Variants in PRKCB observed in about 807,000 individuals in gnomAD.
PRKCB encodes the protein protein kinase C beta.
In PRKCB, 13 loss-of-function variants were observed where a neutral mutation model predicts 81.5. The observed-to-expected ratio is 0.16, with a 90% CI of 0.10 to 0.25. PRKCB has a LOEUF of 0.25. Ranked by LOEUF, PRKCB falls within the 10% of genes least tolerant of loss-of-function variation. PRKCB has a pLI of 1.00. For synonymous variants in PRKCB, 335 were observed against 321.4 expected (o/e 1.04, Z -0.45); for missense variants, 509 against 875.7 (o/e 0.58, Z 5.29).
At chr16:23,889,449 T>G (rs1963257176) in intron 2 of PRKCB, among the ~76,000 whole-genome samples, 1 of 152,270 alleles carries the variant, frequency 6.6e-6, no homozygotes, top group South Asian at 2.1e-4. Context: ...GTGTTAGCTA[T>G]TAGCATTATG....
At chr16:23,950,479 A>C (rs1291078351) in intron 2 of PRKCB, among the ~76,000 whole-genome samples, 8 of 152,232 alleles carry the variant, frequency 5.3e-5, no homozygotes, top group Non-Finnish European at 1.2e-4. Context: ...TTCTGGAGTC[A>C]GACAGACCTA....
rs568108828 is a variant in PRKCB, at chr16:23,856,740, G to A, written c.205+19334G>A. Among the ~76,000 whole-genome samples the A allele has an allele frequency of 5.3e-5, 8 of 152,196 alleles. No homozygotes were observed. In the South Asian group the frequency reaches 1.7e-3, roughly 32 times the overall value. ...GGGTCTCCCTATGTTGCTCGGGCTG[G>A]TCTCAAACTCCTGAGCTCAAACAGT... On this transcript the variant is annotated intron_variant, in intron 2 of 16. Coordinates refer to ENST00000643927, the MANE Select transcript of PRKCB (RefSeq NM_002738.7).
chr16:23,932,211 A>G (rs1214178389), intron 2 of PRKCB, among the ~76,000 whole-genome samples: 1 of 152,242 alleles, frequency 6.6e-6, no homozygotes, highest in Non-Finnish European at 1.5e-5. Flanking sequence ...AATTCAAACA[A>G]ATCATCCATA....
At chr16:24,120,779 G>T (rs755997648) in intron 8 of PRKCB, among the ~76,000 whole-genome samples, 4 of 151,982 alleles carry the variant, frequency 2.6e-5, no homozygotes, top group Non-Finnish European at 5.9e-5. Flanking sequence ...TATCACTCAG[G>T]CTGGAGTGCA....
intron 3 of PRKCB, among the ~76,000 whole-genome samples, chr16:24,015,367 C>T (rs970486807): frequency 1.1e-4 from 16 of 152,356 alleles, no homozygotes; most frequent in Admixed American, 9.8e-4. Context: ...TTTGCACATT[C>T]CAGCTATAGA....
intron 2 of PRKCB, among the ~76,000 whole-genome samples, chr16:23,849,056 G>A (rs7206415): frequency 0.97 from 147,482 of 152,338 alleles, 71,430 homozygotes; most frequent in East Asian, 1. Flanking sequence ...GGTTGGGGCC[G>A]GAGAGGTGAT....
At chr16:24,084,963 T>G (rs1251675846) in intron 5 of PRKCB, among the ~76,000 whole-genome samples, 3 of 152,076 alleles carry the variant, frequency 2.0e-5, no homozygotes, top group Non-Finnish European at 2.9e-5. Context: ...CAAATTTCAC[T>G]CATGGTTGAG....
Position 23,836,133 on chromosome 16 carries a change from C to A in PRKCB, c.-43C>A. ...GGCCCGCAGCCCGCGGTCCCGCGGCCCCGGGGCCGGCACCTCTCGGGCTCC... is the reference window on the plus strand; with the variant it reads ...GGCCCGCAGCCCGCGGTCCCGCGGCACCGGGGCCGGCACCTCTCGGGCTCC... On this transcript the variant is annotated 5_prime_UTR_variant, in exon 1 of 17. Coordinates refer to ENST00000643927, the MANE Select transcript of PRKCB (RefSeq NM_002738.7). 7.8e-7 allele frequency: 1 copy of A among 1,281,322 alleles called. No individual in the cohort carries two copies. The highest frequency in any genetic ancestry group is 9.9e-7 in the Non-Finnish European group (1 of 1,007,684). 79.4% of individuals were successfully genotyped at this position (1,281,322 alleles called of 1,614,324 possible).
rs578216698 is a variant in PRKCB at position 24,157,670 on chromosome 16, G to A, written c.1239+2813G>A. Among the ~76,000 whole-genome samples the A allele has an allele frequency of 5.3e-5, 8 of 150,936 alleles. No individual in the cohort carries two copies. The South Asian group carries it at 1.7e-3, about 32-fold the overall frequency. On this transcript the variant is annotated intron_variant, in intron 10 of 16. Coordinates refer to ENST00000643927, the MANE Select transcript of PRKCB (RefSeq NM_002738.7). Reference sequence around the variant, plus strand: ...AAGGCCTCCCATGTTGGAGACCAATGCAAGTAATTGAATCGTGGGGGCAGT... The same window carrying A: ...AAGGCCTCCCATGTTGGAGACCAATACAAGTAATTGAATCGTGGGGGCAGT...
At chr16:23,930,815 C>T (rs1032798301) in intron 2 of PRKCB, among the ~76,000 whole-genome samples, 9 of 151,500 alleles carry the variant, frequency 5.9e-5, no homozygotes, top group South Asian at 4.2e-4. Context: ...ATTTTATTAT[C>T]GTTACTGTTG....
At chr16:23,921,112 T>G (rs1963818724) in intron 2 of PRKCB, among the ~76,000 whole-genome samples, 4 of 152,200 alleles carry the variant, frequency 2.6e-5, no homozygotes, top group Non-Finnish European at 4.4e-5. Context: ...GATTCAGTTA[T>G]TTCCACCTAG....
chr16:24,199,400 TGTGTGTGTGTCTGA>T (rs1967923977), intron 16 of PRKCB, among the ~76,000 whole-genome samples: 1 of 152,102 alleles, frequency 6.6e-6, no homozygotes, highest in Non-Finnish European at 1.5e-5. Context: ...AGTGCCTCTG[TGTGTGTGTGTCTGA>T]ATGTGTGTGT....
intron 5 of PRKCB, among the ~76,000 whole-genome samples, chr16:24,084,057 T>TA (rs1966284609): frequency 6.6e-6 from 1 of 152,132 alleles, no homozygotes; most frequent in East Asian, 1.9e-4. Flanking sequence ...AAGCAGTAGA[T>TA]AGAGGAGTGC....
chr16:23,847,340 C>G (rs1230978480), intron 2 of PRKCB, among the ~76,000 whole-genome samples: 1 of 70,868 alleles, frequency 1.4e-5, no homozygotes, highest in African/African-American at 6.8e-5. Context: ...ATCTATCTAT[C>G]TATCTATCTA....
intron 10 of PRKCB, among the ~76,000 whole-genome samples, chr16:24,164,846 G>A (rs1357233043): frequency 6.6e-6 from 1 of 152,148 alleles, no homozygotes; most frequent in Non-Finnish European, 1.5e-5. Context: ...AAAACACTGA[G>A]TGTGGTGATA....
chr16:24,010,969 A>G (rs1032035629), intron 3 of PRKCB, among the ~76,000 whole-genome samples: 1 of 151,922 alleles, frequency 6.6e-6, no homozygotes, highest in Non-Finnish European at 1.5e-5. Flanking sequence ...GGCTTAAGTG[A>G]TCCTCCTGCC....
At chr16:24,068,486 A>AAAAC (rs71154272) in intron 5 of PRKCB, among the ~76,000 whole-genome samples, 2,761 of 149,962 alleles carry the variant, frequency 0.018, 57 homozygotes, top group African/African-American at 0.052. Flanking sequence ...GGAAAAAAAA[A>AAAAC]AAAAAACCAC....
intron 5 of PRKCB, among the ~76,000 whole-genome samples, chr16:24,061,910 T>TAAA (rs1210402981): frequency 0.026 from 2,405 of 93,750 alleles, 36 homozygotes; most frequent in Admixed American, 0.033. Context: ...CTTAAATAAA[T>TAAA]AAAAAAAAAA....
At chr16:23,946,693 A>G (rs1303143754) in intron 2 of PRKCB, among the ~76,000 whole-genome samples, 3 of 151,994 alleles carry the variant, frequency 2.0e-5, no homozygotes, top group African/African-American at 7.3e-5. Flanking sequence ...TTCAAACTTT[A>G]GCGTGCAGAA....
Sources: gnomAD v4.1 joint callset for allele counts (sites outside exome capture counted in the v4.1 genomes callset) on GRCh38, gnomAD v4.1.1 for gene constraint, MANE v1.5 for transcripts, NCBI Gene and HGNC (gene_info 2026-07-23, HGNC 2026-07-21) for gene names.